CCDC171: variants seen among roughly 807,000 people sequenced by gnomAD.
CCDC171 encodes the protein coiled-coil domain containing 171.
Under a neutral mutation model 168.2 loss-of-function variants are expected in CCDC171, and 177 were observed. The ratio of observed to expected loss-of-function variants is 1.05; its 90% confidence interval spans 0.93 to 1.19. The LOEUF (loss-of-function observed/expected upper bound fraction) is 1.19. CCDC171 is among the 50% of genes most tolerant of loss of function. CCDC171 has a pLI of 0.00. For synonymous variants in CCDC171, 687 were observed against 540.8 expected, an observed-to-expected ratio of 1.27 and a Z score of -3.75; for missense variants, 1,991 against 1,539.0, an observed-to-expected ratio of 1.29 and a Z score of -4.91.
intron 18 of CCDC171, among the ~76,000 whole-genome samples, chr9:15,753,202 A>G (rs2055875947): frequency 6.6e-6 from 1 of 152,096 alleles, no homozygotes; most frequent in Admixed American, 6.5e-5. Flanking sequence ...GGTGCTGCTC[A>G]TTGTGGGCTT....
At chr9:15,967,757 G>A (rs1291941572) in intron 25 of CCDC171, among the ~76,000 whole-genome samples, 2 of 152,122 alleles carry the variant, frequency 1.3e-5, no homozygotes, top group African/African-American at 2.4e-5. Context: ...TATGTGCTTA[G>A]CATAATCTCC....
chr9:15,954,327 C>T (rs926752186), intron 25 of CCDC171, among the ~76,000 whole-genome samples: 1 of 151,874 alleles, frequency 6.6e-6, no homozygotes, highest in East Asian at 1.9e-4. Flanking sequence ...ATAAATTTCC[C>T]CCTTAGCACT....
chr9:15,727,363 T>C (rs1261537829), intron 14 of CCDC171, among the ~76,000 whole-genome samples: 3 of 152,222 alleles, frequency 2.0e-5, no homozygotes, highest in African/African-American at 7.2e-5. Context: ...TGAGTAATTG[T>C]GTCCATGTAA....
chr9:16,016,521 C>T (rs1047255946), intron 3 of CCDC171, among the ~76,000 whole-genome samples: 2 of 152,166 alleles, frequency 1.3e-5, no homozygotes, highest in African/African-American at 4.8e-5. Flanking sequence ...AAACTCCCCA[C>T]CTGAGAAGAT....
At chr9:15,834,824 T>C (rs1303658234) in intron 21 of CCDC171, among the ~76,000 whole-genome samples, 3 of 152,210 alleles carry the variant, frequency 2.0e-5, no homozygotes, top group Non-Finnish European at 2.9e-5. Flanking sequence ...ACAAGGAAAA[T>C]CACTATGATA....
chr9:15,590,409 G>A (rs1006461615), intron 4 of CCDC171, among the ~76,000 whole-genome samples: 1 of 152,136 alleles, frequency 6.6e-6, no homozygotes, highest in African/African-American at 2.4e-5. Flanking sequence ...CTTATTTCTA[G>A]TGAGAATCAG....
chr9:15,734,067 A>T (rs1588193588), intron 16 of CCDC171, among the ~76,000 whole-genome samples: 1 of 152,238 alleles, frequency 6.6e-6, no homozygotes, highest in Non-Finnish European at 1.5e-5. Flanking sequence ...GAGCCACTGT[A>T]CCCAGCTGCA....
At chr9:15,662,163 G>A (rs1364914276) in intron 8 of CCDC171, among the ~76,000 whole-genome samples, 1 of 152,170 alleles carries the variant, frequency 6.6e-6, no homozygotes, top group Non-Finnish European at 1.5e-5. Context: ...TGTAGTCCCA[G>A]CTACTCTGGA....
At position 15,931,884 on chromosome 9, in the gene CCDC171, C is replaced by G. The variant is rs186949732; in HGVS notation, c.3753+11462C>G. On this transcript the variant is annotated intron_variant, in intron 25 of 25. Transcript: ENST00000380701. ...TACTATTTATTGAAGAGATTGTCCT[C>G]TCCCCAATGTGTGTGCTTAGCACCT... 7.4e-4 allele frequency among the ~76,000 whole-genome samples: 113 copies of G among 151,774 alleles called. 1 individual carries two copies. The highest frequency in any genetic ancestry group is 7.4e-4 in the Non-Finnish European group (50 of 67,710).
At chr9:15,627,681 G>C (rs1418073260) in intron 7 of CCDC171, among the ~76,000 whole-genome samples, 1 of 152,206 alleles carries the variant, frequency 6.6e-6, no homozygotes, top group African/African-American at 2.4e-5. Flanking sequence ...TGGTCTTAGA[G>C]ACAGTTTGTT....
chr9:15,860,953 T>G lies in CCDC171; in HGVS notation c.3468+12006T>G, dbSNP rs12350821. ...TGTTAGGGATGTGTGTGTGTGTGTG[T>G]GTGTGTGTGATAATTGTTAAAATTG... On this transcript the variant is annotated intron_variant, in intron 23 of 25. Coordinates refer to ENST00000380701, the MANE Select transcript of CCDC171 (RefSeq NM_173550.4). 4.0e-5 allele frequency among the ~76,000 whole-genome samples: 6 copies of G among 151,634 alleles called. No homozygotes were observed. In the East Asian group the frequency reaches 7.8e-4, roughly 20 times the overall value.
At chr9:15,739,869 C>G (rs1366190330) in intron 16 of CCDC171, among the ~76,000 whole-genome samples, 1 of 151,916 alleles carries the variant, frequency 6.6e-6, no homozygotes, top group Non-Finnish European at 1.5e-5. Context: ...TCCTGAGTAT[C>G]TGGGACTACA....
At chr9:15,714,606 T>G (rs2052935307) in intron 11 of CCDC171, among the ~76,000 whole-genome samples, 1 of 152,102 alleles carries the variant, frequency 6.6e-6, no homozygotes, top group Non-Finnish European at 1.5e-5. Flanking sequence ...CCCGGTACAG[T>G]TACCCTGTTA....
chr9:15,777,837 A>G lies in CCDC171; in HGVS notation c.2898+11A>G, dbSNP rs200972435. 1.9e-6 allele frequency: 3 copies of G among 1,546,536 alleles called. No individual in the cohort carries two copies. Among genetic ancestry groups the G allele is most frequent in the East Asian group, 2.3e-5 (1 of 44,214 alleles). The stretch of plus-strand genomic sequence containing the variant: ...CATGTGCCCATTACGGTATGTATAC[A>G]CTTTCATTTAGTAGTAACCTAAGAA... On this transcript the variant is annotated intron_variant, in intron 19 of 25. Transcript: ENST00000380701.
At position 15,920,419 on chromosome 9, in the gene CCDC171, A is replaced by G. The variant is rs1825159508; in HGVS notation, c.3750A>G (p.Gln1250=). 2 of 1,602,546 alleles carry G rather than the reference A, an allele frequency of 1.2e-6. No individual in the cohort carries two copies. Among genetic ancestry groups the G allele is most frequent in the South Asian group, 1.1e-5 (1 of 89,688 alleles). Residue 1250 remains glutamine (Q), a synonymous_variant, in exon 25 of 26, where the codon CAA becomes CAG. Transcript: ENST00000380701. Reference sequence around the variant, plus strand: ...GTTTACGTGAAAATGCAAGTTTACAATCAGTAAGTCCTTGTCTAACAATAT... The same window carrying G: ...GTTTACGTGAAAATGCAAGTTTACAGTCAGTAAGTCCTTGTCTAACAATAT... The part of the protein sequence containing the change: ...TACLRENASL[Q]SIGSRDHSNL...
At chr9:15,987,423 A>G (rs139920962) in intron 3 of CCDC171, among the ~76,000 whole-genome samples, 16 of 152,292 alleles carry the variant, frequency 1.1e-4, no homozygotes, top group African/African-American at 3.8e-4. Context: ...ACCTAAAATA[A>G]AAGTTGGAAA....
intron 23 of CCDC171, among the ~76,000 whole-genome samples, chr9:15,853,279 G>A (rs2061212882): frequency 6.6e-6 from 1 of 151,586 alleles, no homozygotes; most frequent in Non-Finnish European, 1.5e-5. Flanking sequence ...GGTTTTCAGT[G>A]TATAAGTTAG....
chr9:15,812,928 G>C (rs17340256), intron 21 of CCDC171, among the ~76,000 whole-genome samples: 2,777 of 152,266 alleles, frequency 0.018, 140 homozygotes, highest in Admixed American at 0.11. Flanking sequence ...CCTACATTTG[G>C]ACCTCGTGGT....
chr9:15,748,073 C>T (rs984331367), intron 18 of CCDC171, among the ~76,000 whole-genome samples: 2 of 152,120 alleles, frequency 1.3e-5, no homozygotes, highest in African/African-American at 4.8e-5. Flanking sequence ...CATGTTGAAG[C>T]TGCCAGGCTT....
Sources: allele counts gnomAD v4.1 joint callset (sites outside exome capture counted in the v4.1 genomes callset), GRCh38; gene constraint gnomAD v4.1.1; transcripts MANE v1.5; gene names NCBI Gene and HGNC (gene_info 2026-07-23, HGNC 2026-07-21).